Variants in GAB1 observed in about 807,000 individuals in gnomAD.
The protein encoded by GAB1 is GRB2-associated-binding protein 1.
Under a neutral mutation model 66.5 loss-of-function variants are expected in GAB1, and 19 were observed. The ratio of observed to expected loss-of-function variants is 0.29; its 90% CI spans 0.20 to 0.42. The LOEUF is 0.42. Among genes scored for constraint, GAB1 ranks in the 10% least tolerant of loss-of-function variants. GAB1 has a pLI of 1.00. For synonymous variants in GAB1, 294 were observed against 301.4 expected (o/e 0.98, Z 0.25); for missense variants, 732 against 858.5 (o/e 0.85, Z 1.84).
At chr4:143,340,622 T>G (rs967487031) in intron 1 of GAB1, among the ~76,000 whole-genome samples, 1 of 152,204 alleles carries the variant, frequency 6.6e-6, no homozygotes, top group Non-Finnish European at 1.5e-5. Context: ...GCAGTTCTTC[T>G]GCCTCAGCCT....
Position 143,373,887 on chromosome 4 carries a change from T to TATATATATATATATA in GAB1, c.72+36627_72+36628insATATATATATATATA, listed in dbSNP as rs1560726049. Among the ~76,000 whole-genome samples the TATATATATATATATA allele has an allele frequency of 1.5e-4, 15 of 98,254 alleles. 1 individual carries two copies. The highest frequency in any genetic ancestry group is 8.0e-4 in the South Asian group (2 of 2,492). The allele number at this position is 98,254 out of a possible 152,430, so 64.5% of individuals were successfully genotyped here. On this transcript the variant is annotated intron_variant, in intron 1 of 9. Coordinates refer to ENST00000262994, the MANE Select transcript of GAB1 (RefSeq NM_002039.4). Reference sequence around the variant, plus strand: ...TAAATAAATATATATATATATATATTTTTACCTTTCTAACATTGCAGGGAG... The same window carrying TATATATATATATATA: ...TAAATAAATATATATATATATATATTATATATATATATATATTTACCTTTCTAACATTGCAGGGAG...
At chr4:143,401,364 G>A (rs1188959769) in intron 1 of GAB1, among the ~76,000 whole-genome samples, 2 of 152,182 alleles carry the variant, frequency 1.3e-5, no homozygotes, top group Admixed American at 6.5e-5. Flanking sequence ...TAACATTTCT[G>A]TTGAGAGGAT....
intron 1 of GAB1, among the ~76,000 whole-genome samples, chr4:143,362,555 T>A (rs1425317087): frequency 1.3e-5 from 2 of 152,180 alleles, no homozygotes; most frequent in Non-Finnish European, 2.9e-5. Context: ...ACTGACAGTT[T>A]CTCCCCCTTT....
chr4:143,380,258 T>C (rs918359884), intron 1 of GAB1, among the ~76,000 whole-genome samples: 1 of 152,084 alleles, frequency 6.6e-6, no homozygotes, highest in Non-Finnish European at 1.5e-5. Flanking sequence ...ATTTTACTTA[T>C]CAGATTTTGA....
intron 1 of GAB1, among the ~76,000 whole-genome samples, chr4:143,341,187 A>G (rs1307884725): frequency 6.6e-6 from 1 of 152,136 alleles, no homozygotes; most frequent in Non-Finnish European, 1.5e-5. Context: ...TGTGTTATAT[A>G]TTAAACAGCT....
At chr4:143,426,402 T>C (rs1218531952) in intron 2 of GAB1, among the ~76,000 whole-genome samples, 1 of 152,028 alleles carries the variant, frequency 6.6e-6, no homozygotes, top group Non-Finnish European at 1.5e-5. Flanking sequence ...GTTTAAAAAA[T>C]TAACCAGATG....
intron 1 of GAB1, among the ~76,000 whole-genome samples, chr4:143,350,678 C>CAAA (rs34098103): frequency 3.1e-4 from 27 of 88,476 alleles, no homozygotes; most frequent in Admixed American, 5.1e-4. Context: ...AACTCCGTCT[C>CAAA]AAAAAAAAAA....
intron 1 of GAB1, among the ~76,000 whole-genome samples, chr4:143,344,849 G>C (rs1380139691): frequency 6.6e-6 from 1 of 152,154 alleles, no homozygotes; most frequent in Non-Finnish European, 1.5e-5. Flanking sequence ...TAGTTTAAAA[G>C]GTCGCATTAC....
chr4:143,431,278 C>T (rs1179735254), intron 2 of GAB1, among the ~76,000 whole-genome samples: 1 of 152,146 alleles, frequency 6.6e-6, no homozygotes, highest in Non-Finnish European at 1.5e-5. Context: ...GATCTATTCA[C>T]TTTTAATTTC....
At chr4:143,371,685 C>G (rs139167304) in intron 1 of GAB1, among the ~76,000 whole-genome samples, 6,467 of 152,230 alleles carry the variant, frequency 0.042, 142 homozygotes, top group African/African-American at 0.052. Flanking sequence ...GGTTTTAGGT[C>G]TAACATTTAA....
chr4:143,373,822 C>A (rs1035187503), intron 1 of GAB1, among the ~76,000 whole-genome samples: 2 of 97,866 alleles, frequency 2.0e-5, no homozygotes, highest in East Asian at 2.8e-4. Context: ...GGAGTGAAAC[C>A]CTCTCTCTCT....
At chr4:143,421,698 C>CTTTTTTTTTTTTTTTTTTT (rs70953733) in intron 2 of GAB1, among the ~76,000 whole-genome samples, 30 of 118,690 alleles carry the variant, frequency 2.5e-4, no homozygotes, top group Non-Finnish European at 3.4e-4. Flanking sequence ...CTTTTCTTTT[C>CTTTTTTTTTTTTTTTTTTT]TTTTTTTTTT....
chr4:143,375,174 C>T (rs1249426614), intron 1 of GAB1, among the ~76,000 whole-genome samples: 3 of 152,194 alleles, frequency 2.0e-5, no homozygotes, highest in Non-Finnish European at 2.9e-5. Flanking sequence ...TCTTGAACTC[C>T]TGAGCTCAGG....
rs1182235972 is a variant in GAB1, at chr4:143,438,228, CCAT to C, written c.826_828del (p.Ser277del). On this transcript the variant is annotated inframe_deletion, in exon 4 of 10. Transcript: ENST00000262994. ...CCATGATGTTTTACCAAAGGTGTCT[CCAT>C]CAAGTACTGAAGCAGATGGAGAACT... 2 of 1,614,094 alleles carry C rather than the reference CCAT, an allele frequency of 1.2e-6. No individual in the cohort carries two copies. Among genetic ancestry groups the C allele is most frequent in the Non-Finnish European group, 1.7e-6 (2 of 1,180,012 alleles).
At chr4:143,406,507 A>G (rs1288906668) in intron 1 of GAB1, among the ~76,000 whole-genome samples, 1 of 152,212 alleles carries the variant, frequency 6.6e-6, no homozygotes, top group Admixed American at 6.5e-5. Flanking sequence ...AGCTGGCCAG[A>G]TTGCATGTAA....
In GAB1 at chr4:143,378,236, G is replaced by A. The variant is rs996541682; in HGVS notation, c.73-37241G>A. Reference sequence around the variant, plus strand: ...TAGTTTTAAAGAGACTTGGTGGTGTGGTAGAAGAACTCCCAGCAGACCTGA... The same window carrying A: ...TAGTTTTAAAGAGACTTGGTGGTGTAGTAGAAGAACTCCCAGCAGACCTGA... On this transcript the variant is annotated intron_variant, in intron 1 of 9. Coordinates refer to ENST00000262994, the MANE Select transcript of GAB1 (RefSeq NM_002039.4). 3.9e-5 allele frequency among the ~76,000 whole-genome samples: 6 copies of A among 152,188 alleles called. No homozygotes were observed. The East Asian group carries it at 1.2e-3, about 29-fold the overall frequency.
rs1222926665 is a variant in GAB1, at chr4:143,474,050, C to G, written c.*4861C>G. On this transcript the variant is annotated 3_prime_UTR_variant, in exon 10 of 10. Transcript: ENST00000262994. Reference sequence around the variant, plus strand: ...TTTTTTGGAGACTAACTTGCCAATTCTGTGAATGTTATTGAATATTTAAAA... The same window carrying G: ...TTTTTTGGAGACTAACTTGCCAATTGTGTGAATGTTATTGAATATTTAAAA... 6.6e-6 allele frequency: 1 copy of G among 152,136 alleles called. No individual in the cohort carries two copies. Among genetic ancestry groups the G allele is most frequent in the Non-Finnish European group, 1.5e-5 (1 of 68,026 alleles). The allele number at this position is 152,136 out of a possible 1,614,324, so 9.4% of individuals were successfully genotyped here.
At chr4:143,460,238 A>G in intron 7 of GAB1, 126 bp from the exon 8 acceptor site, 3 of 835,570 alleles carry the variant, frequency 3.6e-6, no homozygotes, top group Non-Finnish European at 5.8e-6. Context: ...AATGTGTACA[A>G]TGAATGATTA....
At chr4:143,463,028 A>T (rs1735582172) in intron 8 of GAB1, among the ~76,000 whole-genome samples, 1 of 152,192 alleles carries the variant, frequency 6.6e-6, no homozygotes, top group African/African-American at 2.4e-5. Context: ...CCAGGAGGAC[A>T]TACCTATCTA....
Sources: gnomAD v4.1 joint callset for allele counts (sites outside exome capture counted in the v4.1 genomes callset) on GRCh38, gnomAD v4.1.1 for gene constraint, MANE v1.5 for transcripts, NCBI Gene and HGNC (gene_info 2026-07-23, HGNC 2026-07-21) for gene names.